Variants in NALCN observed in about 807,000 individuals in gnomAD.
NALCN encodes the protein sodium leak channel, non-selective.
In NALCN, 111 loss-of-function variants were observed where a neutral mutation model predicts 225.3. The observed-to-expected ratio is 0.49, with a 90% CI of 0.42 to 0.58. The LOEUF (loss-of-function observed/expected upper bound fraction) is 0.58. NALCN is among the 20% of genes least tolerant of loss of function. The pLI is 0.00. For synonymous variants in NALCN, 764 were observed against 769.0 expected, an observed-to-expected ratio of 0.99 and a Z score of 0.11; for missense variants, 1,378 against 2,202.4, an observed-to-expected ratio of 0.63 and a Z score of 7.49.
At chr13:101,280,648 G>A (rs1397698788) in intron 10 of NALCN, among the ~76,000 whole-genome samples, 1 of 152,148 alleles carries the variant, frequency 6.6e-6, no homozygotes, top group East Asian at 1.9e-4. Context: ...TCTCTATCAC[G>A]AACTTATGAT....
At chr13:101,271,762 T>C (rs2140253528) in intron 10 of NALCN, among the ~76,000 whole-genome samples, 1 of 151,728 alleles carries the variant, frequency 6.6e-6, no homozygotes, top group African/African-American at 2.4e-5. Flanking sequence ...GAGGTGTGTG[T>C]GTGTATAAGC....
rs530467670 is a variant in NALCN, at chr13:101,399,611, G to A, written c.-39-446C>T. On this transcript the variant is annotated intron_variant, in intron 1 of 43. Coordinates refer to ENST00000251127, the MANE Select transcript of NALCN (RefSeq NM_052867.4). ...TTAATTTAATACGACATTCACAGACGTCTCTTACTTCCAACAGTAGCCCCA... is the reference window on the plus strand; with the variant it reads ...TTAATTTAATACGACATTCACAGACATCTCTTACTTCCAACAGTAGCCCCA... Among the ~76,000 whole-genome samples the A allele has an allele frequency of 3.9e-5, 6 of 152,188 alleles. No individual in the cohort carries two copies. The East Asian group carries it at 5.8e-4, about 15-fold the overall frequency.
At chr13:101,335,833 T>C (rs1243850593) in intron 7 of NALCN, among the ~76,000 whole-genome samples, 3 of 152,100 alleles carry the variant, frequency 2.0e-5, no homozygotes, top group African/African-American at 7.2e-5. Context: ...TGTAGATATA[T>C]AACTTTCTGT....
At chr13:101,126,694 T>A (rs2036250579) in intron 17 of NALCN, among the ~76,000 whole-genome samples, 1 of 152,072 alleles carries the variant, frequency 6.6e-6, no homozygotes, top group Non-Finnish European at 1.5e-5. Context: ...GGTTTCACCA[T>A]ATTGGCCAGG....
At chr13:101,401,491 T>C (rs1259785370) in intron 1 of NALCN, among the ~76,000 whole-genome samples, 2 of 152,176 alleles carry the variant, frequency 1.3e-5, no homozygotes, top group African/African-American at 4.8e-5. Flanking sequence ...ATTTTAGAGA[T>C]CTGTCCACAA....
chr13:101,109,823 G>A (rs533749907), intron 20 of NALCN, among the ~76,000 whole-genome samples: 5 of 152,100 alleles, frequency 3.3e-5, no homozygotes, highest in Non-Finnish European at 5.9e-5. Flanking sequence ...ATGGGTCTAC[G>A]ATAACCATCG....
intron 20 of NALCN, among the ~76,000 whole-genome samples, 156 bp from the exon 21 acceptor site, chr13:101,107,945 A>G (rs866732716): frequency 6.7e-6 from 1 of 148,996 alleles, no homozygotes; most frequent in African/African-American, 2.4e-5. Flanking sequence ...ATATATTTAT[A>G]TTAAATGTAT....
At chr13:101,247,684 G>T (rs540137850) in intron 11 of NALCN, among the ~76,000 whole-genome samples, 32 of 151,962 alleles carry the variant, frequency 2.1e-4, no homozygotes, top group African/African-American at 7.2e-4. Flanking sequence ...GGATATATGT[G>T]CAGGATATGC....
At chr13:101,181,762 A>C (rs2039237558) in intron 14 of NALCN, among the ~76,000 whole-genome samples, 1 of 152,004 alleles carries the variant, frequency 6.6e-6, no homozygotes, top group Non-Finnish European at 1.5e-5. Flanking sequence ...AAAACAAACA[A>C]AACAAAAAAA....
At position 101,127,143 on chromosome 13, in the gene NALCN, A is replaced by G. The variant is rs139504467; in HGVS notation, c.2119-2462T>C. Among the ~76,000 whole-genome samples the G allele has an allele frequency of 5.0e-3, 768 of 152,266 alleles. 8 individuals are homozygous for G. The highest frequency in any genetic ancestry group is 0.01 in the Middle Eastern group (3 of 294). Reference sequence around the variant, plus strand: ...CACGTTAGGAAAAACTTTTGGGATAATATCTGGTACACTATTGCCTAAATG... The same window carrying G: ...CACGTTAGGAAAAACTTTTGGGATAGTATCTGGTACACTATTGCCTAAATG... On this transcript the variant is annotated intron_variant, in intron 17 of 43. Coordinates refer to ENST00000251127, the MANE Select transcript of NALCN (RefSeq NM_052867.4).
intron 17 of NALCN, among the ~76,000 whole-genome samples, chr13:101,132,884 C>T (rs1306887872): frequency 1.3e-5 from 2 of 152,126 alleles, no homozygotes; most frequent in East Asian, 1.9e-4. Context: ...GCTATTCTCA[C>T]ATCCTAATGC....
At position 101,076,665 on chromosome 13, in the gene NALCN, A is replaced by G. The variant is rs556204990; in HGVS notation, c.3886-724T>C. On this transcript the variant is annotated intron_variant, in intron 34 of 43. Coordinates refer to ENST00000251127, the MANE Select transcript of NALCN (RefSeq NM_052867.4). Reference sequence around the variant, plus strand: ...TCCTTGGTGAGGTCCAAGCACATGAATGTGTGCACATAGCATCCTTGGATG... The same window carrying G: ...TCCTTGGTGAGGTCCAAGCACATGAGTGTGTGCACATAGCATCCTTGGATG... Among the ~76,000 whole-genome samples the G allele has an allele frequency of 4.4e-4, 67 of 152,354 alleles. 1 individual carries two copies. The highest frequency in any genetic ancestry group is 8.5e-4 in the Admixed American group (13 of 15,304).
intron 4 of NALCN, 50 bp from the exon 5 acceptor site, chr13:101,377,106 C>T (rs1192738636): frequency 6.2e-7 from 1 of 1,610,338 alleles, no homozygotes; most frequent in East Asian, 2.2e-5. Flanking sequence ...CTTAGCATTG[C>T]TTATAGTCAT....
At chr13:101,277,466 A>C (rs994357554) in intron 10 of NALCN, among the ~76,000 whole-genome samples, 6 of 152,164 alleles carry the variant, frequency 3.9e-5, no homozygotes, top group African/African-American at 1.4e-4. Flanking sequence ...CTAAAGTTAC[A>C]TTATTTTCAT....
chr13:101,258,059 A>G (rs2042297743), intron 11 of NALCN, among the ~76,000 whole-genome samples: 1 of 152,132 alleles, frequency 6.6e-6, no homozygotes, highest in Non-Finnish European at 1.5e-5. Flanking sequence ...TCTTCTACGT[A>G]TTGCTGAGCT....
At chr13:101,141,575 G>A (rs2037078620) in intron 17 of NALCN, among the ~76,000 whole-genome samples, 1 of 152,000 alleles carries the variant, frequency 6.6e-6, no homozygotes, top group Admixed American at 6.6e-5. Flanking sequence ...CCTGGGAGCT[G>A]GGGGAGAGGT....
intron 10 of NALCN, among the ~76,000 whole-genome samples, chr13:101,268,128 C>T (rs2042657198): frequency 6.6e-6 from 1 of 152,170 alleles, no homozygotes; most frequent in Non-Finnish European, 1.5e-5. Flanking sequence ...ATTCCACTTT[C>T]TGCAAACAAA....
intron 30 of NALCN, among the ~76,000 whole-genome samples, chr13:101,087,431 T>C (rs1171554492): frequency 6.6e-6 from 1 of 151,826 alleles, no homozygotes. Context: ...TGTTGAATGA[T>C]TGAATAATGT....
Position 101,407,302 on chromosome 13 carries a change from TA to T in NALCN, c.-39-8138del, listed in dbSNP as rs1479956405. ...AAAAGGTGGTAAACTCCTTTATGGA[TA>T]CTCTCAGAGGGAATGACTACACATT... is the stretch of plus-strand genomic sequence containing the variant. On this transcript the variant is annotated intron_variant, in intron 1 of 43. Transcript: ENST00000251127. Among the ~76,000 whole-genome samples the T allele has an allele frequency of 1.1e-4, 16 of 152,348 alleles. No homozygotes were observed. In the East Asian group the frequency reaches 1.9e-3, roughly 18 times the overall value.
Sources: allele counts gnomAD v4.1 joint callset (sites outside exome capture counted in the v4.1 genomes callset), GRCh38; gene constraint gnomAD v4.1.1; transcripts MANE v1.5; gene names NCBI Gene and HGNC (gene_info 2026-07-23, HGNC 2026-07-21).